HHAT: variants seen among roughly 807,000 people sequenced by gnomAD.
HHAT encodes the protein protein-cysteine N-palmitoyltransferase HHAT.
HHAT carries 47 observed loss-of-function variants against 70.8 expected under a neutral mutation model. That is an observed-to-expected ratio of 0.66 (90% CI 0.53 to 0.85). The LOEUF (loss-of-function observed/expected upper bound fraction) is 0.85. Ranked by LOEUF, HHAT falls within the 40% of genes least tolerant of loss-of-function variation. The pLI, the probability that HHAT is intolerant of heterozygous loss-of-function variation, is 0.00. For missense variants in HHAT, 609 were observed against 604.8 expected, an observed-to-expected ratio of 1.01 and a Z score of -0.07; for synonymous variants, 228 against 247.6, an observed-to-expected ratio of 0.92 and a Z score of 0.74.
intron 9 of HHAT, among the ~76,000 whole-genome samples, chr1:210,554,117 T>A (rs2095551988): frequency 6.7e-6 from 1 of 150,028 alleles, no homozygotes; most frequent in Non-Finnish European, 1.5e-5. Context: ...GGGATGCATT[T>A]TAAGAAAGAG....
At chr1:210,486,957 G>A (rs2094481332) in intron 8 of HHAT, among the ~76,000 whole-genome samples, 1 of 152,108 alleles carries the variant, frequency 6.6e-6, no homozygotes, top group Admixed American at 6.6e-5. Context: ...GAAAAGGAGG[G>A]ATAATGAAGT....
chr1:210,640,268 A>C (rs1434280007), intron 11 of HHAT, among the ~76,000 whole-genome samples: 1 of 152,232 alleles, frequency 6.6e-6, no homozygotes, highest in Non-Finnish European at 1.5e-5. Context: ...ACTTATCCAA[A>C]TAATCAGTGT....
intron 9 of HHAT, among the ~76,000 whole-genome samples, chr1:210,570,651 T>C (rs1480244995): frequency 6.6e-6 from 1 of 152,138 alleles, no homozygotes; most frequent in Non-Finnish European, 1.5e-5. Flanking sequence ...CTGATGAAAG[T>C]TGGGGGTCAC....
Position 210,647,568 on chromosome 1 carries a change from G to A in HHAT, c.1390+23898G>A, listed in dbSNP as rs149227944. On this transcript the variant is annotated intron_variant, in intron 11 of 11. Coordinates refer to ENST00000261458, the MANE Select transcript of HHAT (RefSeq NM_018194.6). The stretch of plus-strand genomic sequence containing the variant: ...GCCGCCATCCTCCCTGCTTCCCACC[G>A]CCCCCAGCCCTGTAAACCTGTCCAC... Among the ~76,000 whole-genome samples, 356 of 151,900 alleles carry A rather than the reference G, an allele frequency of 2.3e-3. 5 individuals are homozygous for A. The highest frequency in any genetic ancestry group is 9.2e-3 in the South Asian group (44 of 4,798).
At chr1:210,485,914 T>C (rs576724063) in intron 8 of HHAT, among the ~76,000 whole-genome samples, 4 of 152,282 alleles carry the variant, frequency 2.6e-5, no homozygotes, top group African/African-American at 9.6e-5. Context: ...CTGTGTTGTC[T>C]TGTGTTTCCA....
chr1:210,569,399 A>AAAAAAAAAAAAAAAAAAG (rs1558182185), intron 9 of HHAT, among the ~76,000 whole-genome samples: 2 of 148,368 alleles, frequency 1.3e-5, no homozygotes, highest in South Asian at 2.2e-4. Flanking sequence ...AAAAAAAAAA[A>AAAAAAAAAAAAAAAAAAG]GCGTATAGCA....
intron 10 of HHAT, among the ~76,000 whole-genome samples, chr1:210,616,231 CAT>C (rs1185491511): frequency 6.6e-6 from 1 of 151,868 alleles, no homozygotes; most frequent in Non-Finnish European, 1.5e-5. Context: ...AAGAATATGA[CAT>C]ATTGTTATTA....
intron 3 of HHAT, among the ~76,000 whole-genome samples, chr1:210,385,732 G>A (rs3765867): frequency 0.77 from 117,208 of 152,198 alleles, 45,760 homozygotes; most frequent in African/African-American, 0.9. Flanking sequence ...AGCATGATAC[G>A]GTCTTGGCTG....
intron 4 of HHAT, among the ~76,000 whole-genome samples, chr1:210,394,998 T>C (rs1288015756): frequency 1.3e-5 from 2 of 148,662 alleles, no homozygotes; most frequent in East Asian, 4.3e-4. Flanking sequence ...TATATACATA[T>C]GTATGTATAT....
chr1:210,665,514 G>T (rs1049212277), intron 11 of HHAT, among the ~76,000 whole-genome samples: 2 of 152,184 alleles, frequency 1.3e-5, no homozygotes, highest in African/African-American at 4.8e-5. Flanking sequence ...CCTCAGAACT[G>T]GGAACCAGAA....
intron 11 of HHAT, among the ~76,000 whole-genome samples, chr1:210,659,049 C>T (rs985746902): frequency 7.0e-6 from 1 of 143,144 alleles, no homozygotes; most frequent in South Asian, 2.4e-4. Context: ...AGAGCAAACA[C>T]ATTCAAAAGC....
At chr1:210,528,442 A>C (rs2095276003) in intron 9 of HHAT, among the ~76,000 whole-genome samples, 1 of 152,222 alleles carries the variant, frequency 6.6e-6, no homozygotes. Flanking sequence ...TTAAAGATCA[A>C]AGTCAGTTTT....
At chr1:210,504,554 A>G (rs1396521729) in intron 8 of HHAT, among the ~76,000 whole-genome samples, 1 of 151,984 alleles carries the variant, frequency 6.6e-6, no homozygotes, top group Non-Finnish European at 1.5e-5. Context: ...AGATGTCTTC[A>G]CTCCTGAGCT....
chr1:210,336,030 A>C (rs2085453773), intron 1 of HHAT, among the ~76,000 whole-genome samples: 1 of 152,218 alleles, frequency 6.6e-6, no homozygotes, highest in African/African-American at 2.4e-5. Context: ...TCAAAACCAG[A>C]CAACTAAATA....
At chr1:210,404,434 A>G (rs773562955) in intron 5 of HHAT, 30 bp from the exon 6 acceptor site, 1 of 1,565,254 alleles carries the variant, frequency 6.4e-7, no homozygotes, top group South Asian at 1.1e-5. Flanking sequence ...CTGGCCACTC[A>G]AAGGTTGTTC....
chr1:210,517,929 A>T lies in HHAT; in HGVS notation c.1043+4741A>T, dbSNP rs568645693. The stretch of plus-strand genomic sequence containing the variant: ...AGGTGGGGCAGTAGTTTTCAGCAGG[A>T]TAACATCATGAGCAGGATAACATCA... On this transcript the variant is annotated intron_variant, in intron 9 of 11. Coordinates refer to ENST00000261458, the MANE Select transcript of HHAT (RefSeq NM_018194.6). 5.3e-5 allele frequency among the ~76,000 whole-genome samples: 8 copies of T among 152,272 alleles called. No homozygotes were observed. In the South Asian group the frequency reaches 1.7e-3, roughly 32 times the overall value.
intron 7 of HHAT, among the ~76,000 whole-genome samples, chr1:210,446,674 G>A (rs370489877): frequency 3.3e-5 from 5 of 152,246 alleles, no homozygotes; most frequent in East Asian, 3.9e-4. Context: ...TGGTGCCACC[G>A]CAGGGCGCTT....
At chr1:210,386,710 C>A (rs537948369) in intron 3 of HHAT, among the ~76,000 whole-genome samples, 3 of 152,110 alleles carry the variant, frequency 2.0e-5, no homozygotes, top group Admixed American at 2.0e-4. Flanking sequence ...GTGGTCCTTT[C>A]TGGGGCTCCT....
chr1:210,411,738 C>T (rs1227865805), intron 6 of HHAT, among the ~76,000 whole-genome samples: 1 of 151,972 alleles, frequency 6.6e-6, no homozygotes, highest in African/African-American at 2.4e-5. Flanking sequence ...AGAGTGACAC[C>T]CTGTGTCATA....
Sources: gnomAD v4.1 joint callset for allele counts (sites outside exome capture counted in the v4.1 genomes callset) on GRCh38, gnomAD v4.1.1 for gene constraint, MANE v1.5 for transcripts, NCBI Gene and HGNC (gene_info 2026-07-23, HGNC 2026-07-21) for gene names.